The following RSF1 variants were observed in gnomAD, a reference collection of about 807,000 sequenced individuals.
The protein encoded by RSF1 is remodeling and spacing factor 1.
RSF1 carries 13 observed loss-of-function variants against 145.2 expected under a neutral mutation model. The ratio of observed to expected loss-of-function variants is 0.09; its 90% CI spans 0.06 to 0.14. The LOEUF is 0.14. Ranked by LOEUF, RSF1 falls within the 10% of genes least tolerant of loss-of-function variation. RSF1 has a pLI of 1.00. For missense variants in RSF1, 1,517 were observed against 1,718.2 expected (o/e 0.88, Z 2.07); for synonymous variants, 577 against 592.6 (o/e 0.97, Z 0.38).
At chr11:77,863,429 A>G in the RSF1 span, among the ~76,000 whole-genome samples, 7 of 152,200 alleles carry the variant, frequency 4.6e-5, no homozygotes, top group African/African-American at 1.7e-4. Flanking sequence ...GCAAGATTTA[A>G]GAGTGAAAAC....
chr11:77,869,706 C>A, the RSF1 span: 3 of 1,611,876 alleles, frequency 1.9e-6, no homozygotes, highest in African/African-American at 4.0e-5. Context: ...TGTCTACTTT[C>A]TCTTTCCACA....
At chr11:77,700,673 TAATATATAG>T in intron 6 of RSF1, 39 bp downstream of exon 6, 1 of 1,375,302 alleles carries the variant, frequency 7.3e-7, no homozygotes, top group South Asian at 1.5e-5. Context: ...AAAAACCTAT[TAATATATAG>T]AGACAAATAT....
chr11:77,791,361 C>T (rs1185136376), intron 1 of RSF1, among the ~76,000 whole-genome samples: 1 of 152,142 alleles, frequency 6.6e-6, no homozygotes, highest in Non-Finnish European at 1.5e-5. Context: ...AGCATGGGGA[C>T]TCTGGGCCAG....
At chr11:77,669,727 T>A (rs1253460415) in intron 15 of RSF1, among the ~76,000 whole-genome samples, 1 of 152,230 alleles carries the variant, frequency 6.6e-6, no homozygotes, top group African/African-American at 2.4e-5. Flanking sequence ...GCACATTTTT[T>A]ATGTAAGAGG....
intron 11 of RSF1, among the ~76,000 whole-genome samples, chr11:77,679,159 A>C (rs1455140130): frequency 6.6e-6 from 1 of 152,264 alleles, no homozygotes; most frequent in Non-Finnish European, 1.5e-5. Context: ...GAGCATTAAA[A>C]TTTGAATTAT....
At chr11:77,748,786 A>G (rs1460891086) in intron 2 of RSF1, among the ~76,000 whole-genome samples, 1 of 152,230 alleles carries the variant, frequency 6.6e-6, no homozygotes, top group Admixed American at 6.5e-5. Flanking sequence ...TTTAGCTACC[A>G]TATGACTTAG....
intron 1 of RSF1, among the ~76,000 whole-genome samples, chr11:77,775,538 C>G (rs926424675): frequency 1.3e-5 from 2 of 152,142 alleles, no homozygotes; most frequent in Admixed American, 1.3e-4. Context: ...TAACCAAGTC[C>G]ATATGTTTAA....
In RSF1 at chr11:77,710,435, C is replaced by T. The variant is rs145129734; in HGVS notation, c.734-7940G>A. Among the ~76,000 whole-genome samples, 768 of 152,226 alleles carry T rather than the reference C, an allele frequency of 5.0e-3. 7 individuals carry two copies. The highest frequency in any genetic ancestry group is 0.015 in the African/African-American group (632 of 41,536). On this transcript the variant is annotated intron_variant, in intron 5 of 15. Transcript: ENST00000308488. ...CAAGTTTATTTTCTTTTTAAGGACACGTTAATGTTATCCCCTCTATCCCTT... is the reference window on the plus strand; with the variant it reads ...CAAGTTTATTTTCTTTTTAAGGACATGTTAATGTTATCCCCTCTATCCCTT...
At chr11:77,849,519 C>A in the RSF1 span, among the ~76,000 whole-genome samples, 353 of 152,210 alleles carry the variant, frequency 2.3e-3, 2 homozygotes, top group African/African-American at 8.4e-3. Flanking sequence ...CCACTGCACC[C>A]GGCCTAATTT....
At chr11:77,761,444 C>T (rs780563539) in intron 2 of RSF1, among the ~76,000 whole-genome samples, 8 of 151,476 alleles carry the variant, frequency 5.3e-5, no homozygotes, top group African/African-American at 7.3e-5. Flanking sequence ...AAATCAAGTG[C>T]GATTTCTTTT....
intron 11 of RSF1, among the ~76,000 whole-genome samples, chr11:77,682,615 A>G (rs973523340): frequency 5.8e-4 from 89 of 152,340 alleles, no homozygotes; most frequent in African/African-American, 1.9e-3. Context: ...TTCACTAGGT[A>G]CTTATGGAGC....
the RSF1 span, among the ~76,000 whole-genome samples, chr11:77,871,455 T>C: frequency 1.2e-4 from 18 of 152,092 alleles, no homozygotes; most frequent in African/African-American, 4.3e-4. Context: ...TCATGGATAA[T>C]AAAAAACTAG....
At chr11:77,860,293 T>A in the RSF1 span, among the ~76,000 whole-genome samples, 1 of 152,354 alleles carries the variant, frequency 6.6e-6, no homozygotes, top group African/African-American at 2.4e-5. Flanking sequence ...ATGGCCTGGC[T>A]ATTTCACCAT....
intron 2 of RSF1, among the ~76,000 whole-genome samples, chr11:77,751,078 G>A (rs1327995441): frequency 1.3e-5 from 2 of 152,068 alleles, no homozygotes; most frequent in African/African-American, 2.4e-5. Flanking sequence ...ACAAAGTGGA[G>A]GATGAGGATG....
chr11:77,867,925 T>G, the RSF1 span, among the ~76,000 whole-genome samples: 5 of 152,106 alleles, frequency 3.3e-5, no homozygotes, highest in Non-Finnish European at 7.4e-5. Context: ...ATATAGAGAT[T>G]GTTATGAAAT....
intron 1 of RSF1, among the ~76,000 whole-genome samples, chr11:77,772,047 G>A (rs903811009): frequency 1.3e-5 from 2 of 152,102 alleles, no homozygotes; most frequent in Admixed American, 1.3e-4. Context: ...ATCCCTATGA[G>A]TTTATTCATT....
chr11:77,724,818 G>T (rs1189822086), intron 5 of RSF1, among the ~76,000 whole-genome samples: 4 of 152,136 alleles, frequency 2.6e-5, no homozygotes, highest in Non-Finnish European at 4.4e-5. Context: ...GAGCTTGGGC[G>T]GTAATGCTCA....
At chr11:77,772,472 C>T (rs888772808) in intron 1 of RSF1, among the ~76,000 whole-genome samples, 7 of 152,068 alleles carry the variant, frequency 4.6e-5, no homozygotes, top group African/African-American at 1.7e-4. Context: ...CCACGCCTGG[C>T]CTGTTTCTCA....
chr11:77,860,244 T>C, the RSF1 span, among the ~76,000 whole-genome samples: 2 of 152,332 alleles, frequency 1.3e-5, no homozygotes, highest in East Asian at 3.9e-4. Flanking sequence ...CCTTACTAAA[T>C]GGGTATTGCT....
Sources: allele counts gnomAD v4.1 joint callset (sites outside exome capture counted in the v4.1 genomes callset), GRCh38; gene constraint gnomAD v4.1.1; transcripts MANE v1.5; gene names NCBI Gene and HGNC (gene_info 2026-07-23, HGNC 2026-07-21).